SUMF1: variants seen among roughly 807,000 people sequenced by gnomAD.
The protein encoded by SUMF1 is formylglycine-generating enzyme.
In SUMF1, 48 loss-of-function variants were observed where a neutral mutation model predicts 47.6. The observed-to-expected ratio is 1.01, with a 90% CI of 0.80 to 1.28. The LOEUF (loss-of-function observed/expected upper bound fraction) is 1.28. SUMF1 is among the 50% of genes most tolerant of loss of function. The probability of loss-of-function intolerance (pLI) is 0.00; values close to 1 mark genes in which losing one functional copy is unlikely to be tolerated. For synonymous variants in SUMF1, 230 were observed against 192.1 expected (o/e 1.20, Z -1.63); for missense variants, 571 against 485.4 (o/e 1.18, Z -1.66).
chr3:4,285,695 A>G (rs1697619395), intron 8 of SUMF1, among the ~76,000 whole-genome samples: 1 of 152,138 alleles, frequency 6.6e-6, no homozygotes, highest in African/African-American at 2.4e-5. Context: ...TTGTCACCTC[A>G]TACAGTACCT....
chr3:4,428,561 C>T (rs1354556251), intron 3 of SUMF1, among the ~76,000 whole-genome samples: 2 of 152,122 alleles, frequency 1.3e-5, no homozygotes, highest in African/African-American at 2.4e-5. Flanking sequence ...GCTACATTGC[C>T]TAGGCTGGTC....
intron 8 of SUMF1, among the ~76,000 whole-genome samples, chr3:4,344,278 T>C (rs776170329): frequency 2.7e-4 from 41 of 152,136 alleles, no homozygotes; most frequent in African/African-American, 7.0e-4. Context: ...GGAACCCCCA[T>C]TGGCATCAGG....
chr3:4,385,334 A>C (rs1306083321), intron 7 of SUMF1, among the ~76,000 whole-genome samples: 1 of 152,162 alleles, frequency 6.6e-6, no homozygotes. Flanking sequence ...ATACGTGTGT[A>C]GTTGTATCTC....
intron 8 of SUMF1, among the ~76,000 whole-genome samples, chr3:4,069,151 A>G (rs1695453946): frequency 6.6e-6 from 1 of 152,182 alleles, no homozygotes; most frequent in Non-Finnish European, 1.5e-5. Context: ...TTGTAGGGAG[A>G]AAGAACACAT....
At chr3:4,142,541 T>C (rs755007846) in intron 8 of SUMF1, among the ~76,000 whole-genome samples, 2 of 152,172 alleles carry the variant, frequency 1.3e-5, no homozygotes, top group Non-Finnish European at 2.9e-5. Flanking sequence ...GCAATTACTA[T>C]TCATTGCAAC....
intron 8 of SUMF1, among the ~76,000 whole-genome samples, chr3:4,080,236 T>G (rs1692530871): frequency 6.6e-6 from 1 of 152,170 alleles, no homozygotes; most frequent in African/African-American, 2.4e-5. Context: ...AAACTTAAGT[T>G]TTTTATGAAT....
At chr3:4,433,878 C>A (rs907893280) in intron 3 of SUMF1, among the ~76,000 whole-genome samples, 1 of 152,206 alleles carries the variant, frequency 6.6e-6, no homozygotes, top group African/African-American at 2.4e-5. Flanking sequence ...TGATGGATAA[C>A]AGACCTCAAG....
intron 6 of SUMF1, among the ~76,000 whole-genome samples, chr3:4,414,020 C>T (rs1035996046): frequency 9.2e-5 from 14 of 152,088 alleles, no homozygotes; most frequent in African/African-American, 2.2e-4. Context: ...CATGCTGCCA[C>T]GCCCGGCTAA....
chr3:4,188,938 T>C (rs1695258513), intron 8 of SUMF1, among the ~76,000 whole-genome samples: 1 of 152,290 alleles, frequency 6.6e-6, no homozygotes, highest in Middle Eastern at 3.4e-3. Flanking sequence ...TTATTAGCTA[T>C]TGTTATTAGC....
Position 4,218,810 on chromosome 3 carries a change from T to C in SUMF1, c.1015-150065A>G, listed in dbSNP as rs114094108. Among the ~76,000 whole-genome samples the C allele has an allele frequency of 5.6e-3, 856 of 152,294 alleles. 11 individuals carry two copies. Among genetic ancestry groups the C allele is most frequent in the African/African-American group, 0.02 (814 of 41,560 alleles). On this transcript the variant is annotated intron_variant and NMD_transcript_variant, in intron 8 of 12. Coordinates refer to the SUMF1 transcript ENST00000448413. ...CATTTTGTACATATTTCATGATTTC[T>C]TTTTAGGGAAATGCACAAGGTCTAA...
intron 9 of SUMF1, among the ~76,000 whole-genome samples, chr3:4,042,887 A>T (rs1482920558): frequency 1.3e-5 from 2 of 152,068 alleles, no homozygotes; most frequent in African/African-American, 4.8e-5. Flanking sequence ...AGGCAAGTCC[A>T]GTGCCCTTGC....
intron 4 of SUMF1, among the ~76,000 whole-genome samples, chr3:4,418,377 A>G (rs1340019007): frequency 2.6e-5 from 4 of 152,238 alleles, no homozygotes; most frequent in Non-Finnish European, 5.9e-5. Flanking sequence ...TTCACTTTGT[A>G]GGCTCGGATT....
intron 8 of SUMF1, among the ~76,000 whole-genome samples, chr3:4,284,640 C>G (rs555908756): frequency 6.6e-6 from 1 of 151,736 alleles, no homozygotes; most frequent in Non-Finnish European, 1.5e-5. Context: ...TTCTTGCCAC[C>G]AAAAATGTCT....
At chr3:4,210,074 T>C (rs549784989) in intron 8 of SUMF1, among the ~76,000 whole-genome samples, 64 of 152,190 alleles carry the variant, frequency 4.2e-4, no homozygotes, top group African/African-American at 1.3e-3. Flanking sequence ...TTTGTATTTT[T>C]AGTAGAGACA....
intron 8 of SUMF1, among the ~76,000 whole-genome samples, chr3:4,078,890 C>A (rs997611124): frequency 6.6e-6 from 1 of 151,974 alleles, no homozygotes; most frequent in Non-Finnish European, 1.5e-5. Flanking sequence ...AATAACAGAG[C>A]CAGGTAGTGT....
At chr3:4,169,271 C>A (rs1380671160) in intron 8 of SUMF1, among the ~76,000 whole-genome samples, 3 of 152,114 alleles carry the variant, frequency 2.0e-5, no homozygotes, top group Non-Finnish European at 4.4e-5. Flanking sequence ...AAGTCCTAAT[C>A]CCCAGTATCT....
intron 8 of SUMF1, among the ~76,000 whole-genome samples, chr3:4,321,717 T>G (rs1252648733): frequency 1.3e-5 from 2 of 152,144 alleles, no homozygotes; most frequent in Non-Finnish European, 2.9e-5. Flanking sequence ...ATAAGAATTC[T>G]AAATAACTTA....
chr3:4,250,029 C>T (rs1482489435), intron 8 of SUMF1, among the ~76,000 whole-genome samples: 1 of 151,942 alleles, frequency 6.6e-6, no homozygotes, highest in Non-Finnish European at 1.5e-5. Context: ...ACTAAAAATA[C>T]AAAAATTAGC....
At chr3:4,238,666 G>A (rs901092045) in intron 8 of SUMF1, among the ~76,000 whole-genome samples, 2 of 152,056 alleles carry the variant, frequency 1.3e-5, no homozygotes, top group African/African-American at 2.4e-5. Context: ...TGTAGATTCT[G>A]GATATTAGCC....
Sources: allele counts gnomAD v4.1 joint callset (sites outside exome capture counted in the v4.1 genomes callset), GRCh38; gene constraint gnomAD v4.1.1; transcripts MANE v1.5; gene names NCBI Gene and HGNC (gene_info 2026-07-23, HGNC 2026-07-21).